ERBB4: variants seen among roughly 807,000 people sequenced by gnomAD.
ERBB4 encodes the protein erb-b2 receptor tyrosine kinase 4, also known as receptor tyrosine-protein kinase erbB-4.
ERBB4 carries 42 observed loss-of-function variants against 158.0 expected under a neutral mutation model. The ratio of observed to expected loss-of-function variants is 0.27; its 90% CI spans 0.21 to 0.34. ERBB4 has a LOEUF of 0.34. ERBB4 is among the 10% of genes least tolerant of loss of function. The pLI is 1.00. For missense variants in ERBB4, 1,333 were observed against 1,624.1 expected (o/e 0.82, Z 3.08); for synonymous variants, 583 against 558.7 (o/e 1.04, Z -0.61).
chr2:212,467,068 C>T (rs1029376325), intron 1 of ERBB4, among the ~76,000 whole-genome samples: 9 of 152,058 alleles, frequency 5.9e-5, no homozygotes, highest in Non-Finnish European at 1.0e-4. Context: ...GGGTATCTGG[C>T]GGAAGACATA....
intron 1 of ERBB4, among the ~76,000 whole-genome samples, chr2:212,209,158 A>G (rs192647457): frequency 4.0e-4 from 61 of 152,278 alleles, no homozygotes; most frequent in Middle Eastern, 3.4e-3. Flanking sequence ...AATAAAATTA[A>G]TGTCAGACAC....
intron 12 of ERBB4, among the ~76,000 whole-genome samples, chr2:211,689,624 A>G (rs2072715907): frequency 6.6e-6 from 1 of 152,188 alleles, no homozygotes; most frequent in African/African-American, 2.4e-5. Context: ...TTAAATATAA[A>G]TGGGTGGTCG....
intron 8 of ERBB4, among the ~76,000 whole-genome samples, chr2:211,712,945 T>G (rs966326141): frequency 1.3e-5 from 2 of 152,144 alleles, no homozygotes; most frequent in Admixed American, 6.6e-5. Context: ...ATTTTCATCT[T>G]GCTTAATTTA....
chr2:211,456,771 T>A (rs918036786), intron 20 of ERBB4, among the ~76,000 whole-genome samples: 1 of 152,058 alleles, frequency 6.6e-6, no homozygotes, highest in Admixed American at 6.5e-5. Flanking sequence ...GTGCACAACT[T>A]AGATCCCTCG....
At chr2:212,338,112 T>C (rs2088532851) in intron 1 of ERBB4, among the ~76,000 whole-genome samples, 2 of 152,092 alleles carry the variant, frequency 1.3e-5, no homozygotes, top group Non-Finnish European at 2.9e-5. Flanking sequence ...TGGCAGATGG[T>C]TATCCACTTC....
At chr2:211,674,625 T>A (rs984469204) in intron 13 of ERBB4, among the ~76,000 whole-genome samples, 10 of 152,162 alleles carry the variant, frequency 6.6e-5, no homozygotes, top group African/African-American at 2.4e-4. Context: ...AGACAGGTGA[T>A]CTTTTGCATG....
intron 1 of ERBB4, among the ~76,000 whole-genome samples, chr2:212,345,681 T>C (rs989718795): frequency 7.2e-5 from 11 of 152,208 alleles, no homozygotes; most frequent in African/African-American, 2.7e-4. Flanking sequence ...TGAAATGATA[T>C]ACTAAAATCA....
chr2:211,830,008 T>C (rs1020926934), intron 3 of ERBB4, among the ~76,000 whole-genome samples: 5 of 152,142 alleles, frequency 3.3e-5, no homozygotes, highest in African/African-American at 4.8e-5. Flanking sequence ...TTCTCATCCA[T>C]CAAGGCTCAG....
intron 2 of ERBB4, among the ~76,000 whole-genome samples, chr2:212,096,331 G>C (rs976145270): frequency 6.6e-6 from 1 of 151,936 alleles, no homozygotes; most frequent in African/African-American, 2.4e-5. Flanking sequence ...CAAGTTAAAA[G>C]TTAATTAGAA....
chr2:211,962,046 G>A (rs1473540900), intron 2 of ERBB4, among the ~76,000 whole-genome samples: 1 of 152,056 alleles, frequency 6.6e-6, no homozygotes, highest in Admixed American at 6.6e-5. Flanking sequence ...GGGTTTCTGG[G>A]GTGGGTAGCA....
intron 1 of ERBB4, among the ~76,000 whole-genome samples, chr2:212,403,852 T>C (rs536571955): frequency 6.6e-6 from 1 of 152,184 alleles, no homozygotes; most frequent in South Asian, 2.1e-4. Flanking sequence ...CATCTCATGT[T>C]GTGTTCTTAC....
At chr2:212,364,214 G>C (rs2089796845) in intron 1 of ERBB4, among the ~76,000 whole-genome samples, 1 of 151,754 alleles carries the variant, frequency 6.6e-6, no homozygotes, top group African/African-American at 2.4e-5. Flanking sequence ...TGGGAGGAAA[G>C]GGAGATGGGA....
At chr2:212,045,098 T>C (rs181828759) in intron 2 of ERBB4, among the ~76,000 whole-genome samples, 1 of 152,348 alleles carries the variant, frequency 6.6e-6, no homozygotes, top group East Asian at 1.9e-4. Context: ...AAAATATTGG[T>C]AATTGTCTTC....
intron 3 of ERBB4, among the ~76,000 whole-genome samples, chr2:211,867,687 T>C (rs2106103064): frequency 6.6e-6 from 1 of 152,296 alleles, no homozygotes. Flanking sequence ...CTCAACCTCC[T>C]GAGTAGCTGA....
At chr2:212,191,728 GTGTTATACATGTTACATATAA>G (rs1559703673) in intron 1 of ERBB4, among the ~76,000 whole-genome samples, 3 of 143,446 alleles carry the variant, frequency 2.1e-5, no homozygotes, top group Admixed American at 7.0e-5. Flanking sequence ...CATATAACAC[GTGTTATACATGTTACATATAA>G]CACGTGTTAT....
At chr2:212,074,162 T>C (rs2078208578) in intron 2 of ERBB4, among the ~76,000 whole-genome samples, 1 of 151,974 alleles carries the variant, frequency 6.6e-6, no homozygotes, top group South Asian at 2.1e-4. Context: ...ATTCAAGCTT[T>C]TAGCTGTAGC....
At chr2:212,515,716 T>A (rs1004489739) in intron 1 of ERBB4, among the ~76,000 whole-genome samples, 9 of 151,916 alleles carry the variant, frequency 5.9e-5, no homozygotes, top group African/African-American at 2.2e-4. Flanking sequence ...ACAAAAAAAA[T>A]TTTGAAATCA....
chr2:211,772,955 A>T (rs9288441), intron 4 of ERBB4, among the ~76,000 whole-genome samples: 54,500 of 83,134 alleles, frequency 0.66, 18,921 homozygotes, highest in Non-Finnish European at 0.7. Context: ...ATATATATAT[A>T]TTTTTTTTTT....
chr2:212,338,103 G>A (rs2088532085), intron 1 of ERBB4, among the ~76,000 whole-genome samples: 2 of 152,070 alleles, frequency 1.3e-5, no homozygotes, highest in African/African-American at 4.8e-5. Flanking sequence ...TCAGACTGGT[G>A]GCAGATGGTT....
Sources: gnomAD v4.1 joint callset for allele counts (sites outside exome capture counted in the v4.1 genomes callset) on GRCh38, gnomAD v4.1.1 for gene constraint, MANE v1.5 for transcripts, NCBI Gene and HGNC (gene_info 2026-07-23, HGNC 2026-07-21) for gene names.